Variants in SEMA4F observed in about 807,000 individuals in gnomAD.
SEMA4F encodes semaphorin-4F.
A neutral mutation model predicts 78.4 loss-of-function variants in SEMA4F; 51 were observed. That is an observed-to-expected ratio of 0.65 (90% confidence interval 0.52 to 0.82). The LOEUF (loss-of-function observed/expected upper bound fraction) is 0.82, where lower values mean the gene tolerates loss of function less well. Ranked by LOEUF, SEMA4F falls within the 40% of genes least tolerant of loss-of-function variation. The pLI is 0.00. For synonymous variants in SEMA4F, 418 were observed against 408.7 expected (o/e 1.02, Z -0.27); for missense variants, 938 against 1,014.4 (o/e 0.92, Z 1.02).
chr2:74,654,738 G>A (rs1573219282), intron 1 of SEMA4F, among the ~76,000 whole-genome samples: 1 of 152,168 alleles, frequency 6.6e-6, no homozygotes, highest in African/African-American at 2.4e-5. Flanking sequence ...CCCCAGCCCG[G>A]GCCTCGCGCC....
downstream of SEMA4F, among the ~76,000 whole-genome samples, chr2:74,687,364 C>G (rs1016348747): frequency 1.3e-5 from 2 of 152,236 alleles, no homozygotes; most frequent in African/African-American, 4.8e-5. Context: ...ATCACATCCT[C>G]CTATTTTAAT....
chr2:74,704,953 T>A, the SEMA4F span, among the ~76,000 whole-genome samples: 1 of 152,108 alleles, frequency 6.6e-6, no homozygotes, highest in East Asian at 1.9e-4. Flanking sequence ...AATCCAAGGG[T>A]CCATCAGTTT....
At position 74,683,090 on chromosome 2, in the gene SEMA4F, T is replaced by C; in HGVS notation, c.*2881T>C. On this transcript the variant is annotated 3_prime_UTR_variant, in exon 14 of 14. Transcript: ENST00000357877. ...TCTAGGGACCTGTGAGTATCAGCTTTCTCGATGACAGTCATTTCTGTGTCT... is the reference window on the plus strand; with the variant it reads ...TCTAGGGACCTGTGAGTATCAGCTTCCTCGATGACAGTCATTTCTGTGTCT... 6.5e-6 allele frequency: 1 copy of C among 152,676 alleles called. No individual in the cohort carries two copies. The highest frequency in any genetic ancestry group is 1.5e-5 in the Non-Finnish European group (1 of 68,332). 9.5% of individuals were successfully genotyped at this position (152,676 alleles called of 1,614,324 possible).
In SEMA4F at chr2:74,679,341, A is replaced by G; in HGVS notation, c.1702+7A>G. 1 of 1,608,126 alleles carries G rather than the reference A, an allele frequency of 6.2e-7. No individual in the cohort carries two copies. The highest frequency in any genetic ancestry group is 8.5e-7 in the Non-Finnish European group (1 of 1,174,540). On this transcript the variant is annotated splice_region_variant and intron_variant, in intron 13 of 13. Coordinates refer to ENST00000357877, the MANE Select transcript of SEMA4F (RefSeq NM_004263.5). ...TGTCCTAAAGAGCCTGGAGGTCTGT[A>G]TGGTCTGTATGGATTAGGGAAATGT...
intron 4 of SEMA4F, among the ~76,000 whole-genome samples, chr2:74,660,852 A>C (rs185065492): frequency 6.8e-4 from 104 of 152,358 alleles, no homozygotes; most frequent in African/African-American, 2.4e-3. Flanking sequence ...AAATAAAAAT[A>C]TGGGCTAGAG....
At chr2:74,698,790 C>T in the SEMA4F span, among the ~76,000 whole-genome samples, 1 of 152,154 alleles carries the variant, frequency 6.6e-6, no homozygotes, top group African/African-American at 2.4e-5. Flanking sequence ...CTTCTCTTCT[C>T]TCAGGTATCC....
At chr2:74,661,555 A>T (rs1025548344) in intron 4 of SEMA4F, among the ~76,000 whole-genome samples, 15 of 152,170 alleles carry the variant, frequency 9.9e-5, no homozygotes, top group African/African-American at 3.6e-4. Flanking sequence ...CACCAAACCC[A>T]TCTTTCTTCT....
In SEMA4F at chr2:74,682,086, A is replaced by G. The variant is rs1685648128; in HGVS notation, c.*1877A>G. 1 of 152,226 alleles carries G rather than the reference A, an allele frequency of 6.6e-6. No homozygotes were observed. The highest frequency in any genetic ancestry group is 2.1e-4 in the South Asian group (1 of 4,830). 9.4% of individuals were successfully genotyped at this position (152,226 alleles called of 1,614,324 possible). The stretch of plus-strand genomic sequence containing the variant: ...ATGTTGTTATTGCAAAAATGGGCTT[A>G]CTATCCATAACCATATAGCTTAACT... On this transcript the variant is annotated 3_prime_UTR_variant, in exon 14 of 14. Coordinates refer to ENST00000357877, the MANE Select transcript of SEMA4F (RefSeq NM_004263.5).
At chr2:74,702,275 T>C in the SEMA4F span, among the ~76,000 whole-genome samples, 1 of 152,114 alleles carries the variant, frequency 6.6e-6, no homozygotes, top group Non-Finnish European at 1.5e-5. Flanking sequence ...AAGTGACATC[T>C]CAAATTCAAG....
rs1684250043 is a variant in SEMA4F, at chr2:74,658,075, C to T, written c.456+124C>T. Reference sequence around the variant, plus strand: ...CATGATGGGGGCATGGTCAAGGCAACCATTGTGCATGATAAGCATTGGGTG... The same window carrying T: ...CATGATGGGGGCATGGTCAAGGCAATCATTGTGCATGATAAGCATTGGGTG... On this transcript the variant is annotated intron_variant, in intron 4 of 13. Transcript: ENST00000357877. This position sits in a 1 kb window ranked among gnomAD's most constrained non-coding sequence, Gnocchi z 4.3. The T allele has an allele frequency of 1.2e-6, 1 of 822,088 alleles. No homozygotes were observed. The highest frequency in any genetic ancestry group is 1.7e-5 in the African/African-American group (1 of 59,978). The allele number at this position is 822,088 out of a possible 1,614,324, so 50.9% of individuals were successfully genotyped here.
chr2:74,677,185 AG>A (rs1685338026), intron 12 of SEMA4F, among the ~76,000 whole-genome samples: 1 of 152,198 alleles, frequency 6.6e-6, no homozygotes, highest in Non-Finnish European at 1.5e-5. Flanking sequence ...TACAGGTGTG[AG>A]CCACTGCGCC....
At chr2:74,698,202 A>G in the SEMA4F span, among the ~76,000 whole-genome samples, 2 of 152,230 alleles carry the variant, frequency 1.3e-5, no homozygotes, top group African/African-American at 4.8e-5. Context: ...ATCCAGTTAA[A>G]TCATGAATTC....
At chr2:74,701,926 G>T in the SEMA4F span, among the ~76,000 whole-genome samples, 4 of 152,128 alleles carry the variant, frequency 2.6e-5, no homozygotes, top group East Asian at 1.9e-4. Context: ...CATTCCAGCC[G>T]TTGAGCAATT....
intron 1 of SEMA4F, chr2:74,655,145 G>A: frequency 4.7e-6 from 1 of 214,220 alleles, no homozygotes; most frequent in South Asian, 6.5e-5. Context: ...CCCATTATTG[G>A]ATCCACGTTA....
At chr2:74,697,200 A>G in the SEMA4F span, among the ~76,000 whole-genome samples, 26 of 152,310 alleles carry the variant, frequency 1.7e-4, 1 homozygote, top group African/African-American at 6.3e-4. Flanking sequence ...GACTAAGATT[A>G]AATTCTTTCA....
At chr2:74,663,827 G>A (rs1573235646) in intron 5 of SEMA4F, among the ~76,000 whole-genome samples, 1 of 152,124 alleles carries the variant, frequency 6.6e-6, no homozygotes, top group Non-Finnish European at 1.5e-5. Context: ...TTTTAGAGGG[G>A]ACAAAACATC....
rs1382869003 is a variant in SEMA4F at position 74,658,051 on chromosome 2, A to G, written c.456+100A>G. On this transcript the variant is annotated intron_variant, in intron 4 of 13. Coordinates refer to ENST00000357877, the MANE Select transcript of SEMA4F (RefSeq NM_004263.5). This position sits in a 1 kb window ranked among gnomAD's most constrained non-coding sequence, Gnocchi z 4.3. ...TGGGAAGGGTTTTCTGTGAGCGACC[A>G]TGATGGGGGCATGGTCAAGGCAACC... 4.8e-6 allele frequency: 5 copies of G among 1,049,752 alleles called. No homozygotes were observed. Among genetic ancestry groups the G allele is most frequent in the African/African-American group, 4.7e-5 (3 of 64,098 alleles). 65.0% of individuals were successfully genotyped at this position (1,049,752 alleles called of 1,614,324 possible). A position where few individuals can be genotyped will look rare whatever the true frequency, so the allele number is the denominator to read the frequency against.
chr2:74,690,537 A>G, the SEMA4F span, among the ~76,000 whole-genome samples: 2 of 152,190 alleles, frequency 1.3e-5, no homozygotes, highest in Non-Finnish European at 2.9e-5. Context: ...GAGGATATTT[A>G]TGTTCTTTAA....
At chr2:74,679,403 A>T (rs962372482) in intron 13 of SEMA4F, 69 bp downstream of exon 13, 32 of 1,501,890 alleles carry the variant, frequency 2.1e-5, no homozygotes, top group Non-Finnish European at 2.9e-5. Context: ...AGAGTTGTTC[A>T]TTTTGGAACG....
Sources: allele counts gnomAD v4.1 joint callset (sites outside exome capture counted in the v4.1 genomes callset), GRCh38; gene constraint gnomAD v4.1.1; non-coding constraint Gnocchi (gnomAD v3.1); transcripts MANE v1.5; gene names NCBI Gene and HGNC (gene_info 2026-07-23, HGNC 2026-07-21).